Variants in EPOR observed in about 807,000 individuals in gnomAD.
The protein encoded by EPOR is erythropoietin receptor.
Under a neutral mutation model 34.3 loss-of-function variants are expected in EPOR, and 20 were observed. That is an observed-to-expected ratio of 0.58 (90% confidence interval 0.41 to 0.85). The LOEUF is 0.85. Among genes scored for constraint, EPOR ranks in the 40% least tolerant of loss-of-function variants. EPOR has a pLI of 0.00. For synonymous variants in EPOR, 312 were observed against 299.0 expected (o/e 1.04, Z -0.45); for missense variants, 601 against 672.7 (o/e 0.89, Z 1.18).
chr19:11,377,828 C>T lies in EPOR; in HGVS notation c.*156G>A. 1.2e-6 allele frequency: 1 copy of T among 842,688 alleles called. No homozygotes were observed. The highest frequency in any genetic ancestry group is 2.0e-6 in the Non-Finnish European group (1 of 489,360). The allele number at this position is 842,688 out of a possible 1,614,324, so 52.2% of individuals were successfully genotyped here. A position where few individuals can be genotyped will look rare whatever the true frequency, so the allele number is the denominator to read the frequency against. On this transcript the variant is annotated 3_prime_UTR_variant, in exon 8 of 8. Transcript: ENST00000222139. ...AAACTATACATATTTAAAAATACTGCAAGGTTGTGGTTTCCTGAGCAGGAT... is the reference window on the plus strand; with the variant it reads ...AAACTATACATATTTAAAAATACTGTAAGGTTGTGGTTTCCTGAGCAGGAT...
Position 11,381,924 on chromosome 19 carries a change from A to AC in EPOR, c.427+5dup. 6.2e-7 allele frequency: 1 copy of AC among 1,614,220 alleles called. No individual in the cohort carries two copies. The highest frequency in any genetic ancestry group is 8.5e-7 in the Non-Finnish European group (1 of 1,180,022). ...CCGACCACTCCTCCATTCCCAGAGC[A>AC]CTTACCTACTTCATTGATGTGGATG... On this transcript the variant is annotated splice_donor_region_variant and intron_variant, in intron 3 of 7. Transcript: ENST00000222139. This position sits in a 1 kb window ranked among gnomAD's most constrained non-coding sequence, Gnocchi z 5.3.
chr19:11,381,733 C>T lies in EPOR; in HGVS notation c.544G>A (p.Val182Met), dbSNP rs1326443454. 1 of 1,612,590 alleles carries T rather than the reference C, an allele frequency of 6.2e-7. No homozygotes were observed. Among genetic ancestry groups the T allele is most frequent in the African/African-American group, 1.3e-5 (1 of 74,916 alleles). ...GCGCCGTTGCCGGCCGAGACGTCCA[C>T]CTCGTAGCGGATGTGAGACGTCATG... is the stretch of plus-strand genomic sequence containing the variant. ...TPMTSHIRYE[V>M]DVSAGNGAGS... Residue 182 changes from valine to methionine, a missense_variant, in exon 4 of 8, where the codon GTG (valine) becomes ATG (methionine). Coordinates refer to ENST00000222139, the MANE Select transcript of EPOR (RefSeq NM_000121.4). This position sits in a 1 kb window ranked among gnomAD's most constrained non-coding sequence, Gnocchi z 5.3.
intron 6 of EPOR, among the ~76,000 whole-genome samples, chr19:11,379,091 T>C (rs1968322206): frequency 6.6e-6 from 1 of 152,106 alleles, no homozygotes; most frequent in Non-Finnish European, 1.5e-5. Flanking sequence ...TTTGGGAGGC[T>C]GAGGTGGGAG....
chr19:11,378,223 C>T lies in EPOR; in HGVS notation c.1288G>A (p.Asp430Asn). Residue 430 changes from aspartate to asparagine, a missense_variant, in exon 8 of 8, where the codon GAC (aspartate) becomes AAC (asparagine). Physicochemically the swap from Asp to Asn is conservative, Grantham distance 23. Transcript: ENST00000222139. The surrounding 1 kb of genome is among the most constrained non-coding windows in gnomAD (Gnocchi z 5.3). ...SAASFEYTIL[D>N]PSSQLLRPWT... ...GGACGCAAGAGCTGGGAGCTGGGGT[C>T]CAGGATAGTGTACTCAAAGCTGGCA... 1.2e-6 allele frequency: 2 copies of T among 1,614,088 alleles called. No homozygotes were observed. Among genetic ancestry groups the T allele is most frequent in the East Asian group, 2.2e-5 (1 of 44,878 alleles).
rs923888293 is a variant in EPOR at position 11,383,174 on chromosome 19, C to T, written c.174G>A (p.Glu58=). 1.9e-6 allele frequency: 3 copies of T among 1,612,678 alleles called. No individual in the cohort carries two copies. Among genetic ancestry groups the T allele is most frequent in the African/African-American group, 2.7e-5 (2 of 74,938 alleles). ...CTTCCTCCCAGAAACACACCAAGTC[C>T]TCCAACCGCTCGGTGAAGCACAGAA... is the stretch of plus-strand genomic sequence containing the variant. ...EELLCFTERL[E]DLVCFWEEAA... Residue 58 remains glutamate (E), a synonymous_variant, in exon 2 of 8, where the codon GAG becomes GAA. Coordinates refer to ENST00000222139, the MANE Select transcript of EPOR (RefSeq NM_000121.4). This position sits in a 1 kb window ranked among gnomAD's most constrained non-coding sequence, Gnocchi z 4.9.
In EPOR at chr19:11,378,384, A is replaced by C. The variant is rs192441411; in HGVS notation, c.1127T>G (p.Leu376Arg). The C allele has an allele frequency of 1.2e-5, 20 of 1,613,486 alleles. No homozygotes were observed. The African/African-American group carries it at 2.4e-4, about 19-fold the overall frequency. The change falls in exon 8 of 8, where the codon CTG (leucine) becomes CGG (arginine). Residue 376 changes from leucine (L) to arginine (R), a missense_variant. Physicochemically the swap from Leu to Arg is moderately radical, Grantham distance 102 (BLOSUM62 -2). Transcript: ENST00000222139. This position sits in a 1 kb window ranked among gnomAD's most constrained non-coding sequence, Gnocchi z 5.3. ...GTCCTCACTGGGCGGGTTCCGGGGC[A>C]GCAACCATTTGTCCAGCACCAGATA... ...DTYLVLDKWL[L>R]PRNPPSEDLP...
chr19:11,381,587 T>A lies in EPOR; in HGVS notation c.585+105A>T. ...AGCACCAGGGTAATGGGATGTGGGA[T>A]GTTACGGACCGGCCCTGAAAGCGGC... is the stretch of plus-strand genomic sequence containing the variant. On this transcript the variant is annotated intron_variant, in intron 4 of 7. Coordinates refer to ENST00000222139, the MANE Select transcript of EPOR (RefSeq NM_000121.4). This position sits in a 1 kb window ranked among gnomAD's most constrained non-coding sequence, Gnocchi z 5.3. 1 of 1,175,438 alleles carries A rather than the reference T, an allele frequency of 8.5e-7. No individual in the cohort carries two copies. Among genetic ancestry groups the A allele is most frequent in the South Asian group, 1.4e-5 (1 of 71,658 alleles). 72.8% of individuals were successfully genotyped at this position (1,175,438 alleles called of 1,614,324 possible).
At position 11,381,197 on chromosome 19, in the gene EPOR, C is replaced by T. The variant is rs1355363517; in HGVS notation, c.598G>A (p.Glu200Lys). The change falls in exon 5 of 8, where the codon GAG becomes AAG. Residue 200 changes from glutamate (E) to lysine (K), a missense_variant. Coordinates refer to ENST00000222139, the MANE Select transcript of EPOR (RefSeq NM_000121.4). The surrounding 1 kb of genome is among the most constrained non-coding windows in gnomAD (Gnocchi z 5.3). ...CTCAGCACACACTCGGTGCGGCCCT[C>T]CAGGATCTCCACCTGGGGGCGGAAT... ...AGSVQRVEIL[E>K]GRTECVLSNL... is the part of the protein sequence containing the mutation. 1 of 1,549,556 alleles carries T rather than the reference C, an allele frequency of 6.5e-7. No homozygotes were observed. Among genetic ancestry groups the T allele is most frequent in the Admixed American group, 2.0e-5 (1 of 51,066 alleles).
In EPOR at chr19:11,381,304, A is replaced by C; in HGVS notation, c.586-95T>G. 2.2e-6 allele frequency: 3 copies of C among 1,392,688 alleles called. No homozygotes were observed. The highest frequency in any genetic ancestry group is 3.0e-6 in the Non-Finnish European group (3 of 1,009,962). 86.3% of individuals were successfully genotyped at this position (1,392,688 alleles called of 1,614,324 possible). A position where few individuals can be genotyped will look rare whatever the true frequency, so the allele number is the denominator to read the frequency against. The stretch of plus-strand genomic sequence containing the variant: ...GAACTGAGCCAATCAGGGGAAAGGA[A>C]AACGGTGCCCTAGAATTGCAATGGG... On this transcript the variant is annotated intron_variant, in intron 4 of 7. Coordinates refer to ENST00000222139, the MANE Select transcript of EPOR (RefSeq NM_000121.4). The surrounding 1 kb of genome is among the most constrained non-coding windows in gnomAD (Gnocchi z 5.3).
rs1213773471 is a variant in EPOR at position 11,381,344 on chromosome 19, G to A, written c.586-135C>T. ...ATTGCAATGGGACCAATAAGAGTAG[G>A]GGGAGGAGCCCAAGAAAGCTCAGGG... On this transcript the variant is annotated intron_variant, in intron 4 of 7. Coordinates refer to ENST00000222139, the MANE Select transcript of EPOR (RefSeq NM_000121.4). The surrounding 1 kb of genome is among the most constrained non-coding windows in gnomAD (Gnocchi z 5.3). 3.0e-6 allele frequency: 3 copies of A among 986,018 alleles called. No homozygotes were observed. Among genetic ancestry groups the A allele is most frequent in the Admixed American group, 2.1e-5 (1 of 48,178 alleles). The allele number at this position is 986,018 out of a possible 1,614,324, so 61.1% of individuals were successfully genotyped here. A position where few individuals can be genotyped will look rare whatever the true frequency, so the allele number is the denominator to read the frequency against.
rs546490013 is a variant in EPOR at position 11,378,859 on chromosome 19, G to A, written c.828-81C>T. The A allele has an allele frequency of 7.4e-7, 1 of 1,359,386 alleles. No homozygotes were observed. The highest frequency in any genetic ancestry group is 2.3e-5 in the East Asian group (1 of 42,770). The allele number at this position is 1,359,386 out of a possible 1,614,324, so 84.2% of individuals were successfully genotyped here. A position where few individuals can be genotyped will look rare whatever the true frequency, so the allele number is the denominator to read the frequency against. ...TTCCCCCTCCACTCCCAGTCATAGA[G>A]GCACAGATACACTTGGTCCCTGTGA... On this transcript the variant is annotated intron_variant, in intron 6 of 7. Coordinates refer to ENST00000222139, the MANE Select transcript of EPOR (RefSeq NM_000121.4). The surrounding 1 kb of genome is among the most constrained non-coding windows in gnomAD (Gnocchi z 5.3).
Position 11,381,653 on chromosome 19 carries a change from G to A in EPOR, c.585+39C>T. The stretch of plus-strand genomic sequence containing the variant: ...GAGAGGCGTGGCTGGGCCGTAGTCA[G>A]TGGAGCTTTGGGGGCTGGGCCGTAG... On this transcript the variant is annotated intron_variant, in intron 4 of 7. Transcript: ENST00000222139. This position sits in a 1 kb window ranked among gnomAD's most constrained non-coding sequence, Gnocchi z 5.3. The A allele has an allele frequency of 6.4e-7, 1 of 1,570,806 alleles. No homozygotes were observed. The highest frequency in any genetic ancestry group is 1.4e-5 in the African/African-American group (1 of 73,982).
rs533014098 is a variant in EPOR, at chr19:11,381,175, A to T, written c.620T>A (p.Leu207Gln). Reference sequence around the variant, plus strand: ...GCGCGTCCGGCCCCGCAGGTTGCTCAGCACACACTCGGTGCGGCCCTCCAG... The same window carrying T: ...GCGCGTCCGGCCCCGCAGGTTGCTCTGCACACACTCGGTGCGGCCCTCCAG... ...EILEGRTECV[L>Q]SNLRGRTRYT... Residue 207 changes from leucine to glutamine, a missense_variant, in exon 5 of 8, where the codon CTG becomes CAG. Physicochemically the swap from Leu to Gln is moderately radical, Grantham distance 113. Coordinates refer to ENST00000222139, the MANE Select transcript of EPOR (RefSeq NM_000121.4). The surrounding 1 kb of genome is among the most constrained non-coding windows in gnomAD (Gnocchi z 5.3). 6 of 1,552,172 alleles carry T rather than the reference A, an allele frequency of 3.9e-6. No individual in the cohort carries two copies. The Admixed American group carries it at 1.2e-4, about 30-fold the overall frequency.
At chr19:11,384,059 C>A in intron 1 of EPOR, 34 bp downstream of exon 1, 1 of 1,377,334 alleles carries the variant, frequency 7.3e-7, no homozygotes, top group South Asian at 1.2e-5. Flanking sequence ...CCTGCAGGCT[C>A]CAGCGTAGGG....
At position 11,377,890 on chromosome 19, in the gene EPOR, TGA is replaced by T; in HGVS notation, c.*92_*93del. On this transcript the variant is annotated 3_prime_UTR_variant, in exon 8 of 8. Transcript: ENST00000222139. Reference sequence around the variant, plus strand: ...ACAAAATCAGCAATGCCCCTGCTCCTGAGAGAGGCCTCGCCATCCCTGTTCCA... The same window carrying T: ...ACAAAATCAGCAATGCCCCTGCTCCTGAGAGGCCTCGCCATCCCTGTTCCA... 4 of 1,526,356 alleles carry T rather than the reference TGA, an allele frequency of 2.6e-6. No homozygotes were observed. The highest frequency in any genetic ancestry group is 3.6e-6 in the Non-Finnish European group (4 of 1,104,940). 94.6% of individuals were successfully genotyped at this position (1,526,356 alleles called of 1,614,324 possible). A position where few individuals can be genotyped will look rare whatever the true frequency, so the allele number is the denominator to read the frequency against.
chr19:11,381,232 G>C lies in EPOR; in HGVS notation c.586-23C>G. On this transcript the variant is annotated intron_variant, in intron 4 of 7. Coordinates refer to ENST00000222139, the MANE Select transcript of EPOR (RefSeq NM_000121.4). The surrounding 1 kb of genome is among the most constrained non-coding windows in gnomAD (Gnocchi z 5.3). Reference sequence around the variant, plus strand: ...CACCTGGGGGCGGAATCAGGGCGAGGGACGCGTAGCAGACAAAAATAGATG... The same window carrying C: ...CACCTGGGGGCGGAATCAGGGCGAGCGACGCGTAGCAGACAAAAATAGATG... 1 of 1,548,696 alleles carries C rather than the reference G, an allele frequency of 6.5e-7. No homozygotes were observed. The highest frequency in any genetic ancestry group is 8.7e-7 in the Non-Finnish European group (1 of 1,146,894).
Position 11,381,228 on chromosome 19 carries a change from C to T in EPOR, c.586-19G>A, listed in dbSNP as rs533755786. ...TCTCCACCTGGGGGCGGAATCAGGG[C>T]GAGGGACGCGTAGCAGACAAAAATA... On this transcript the variant is annotated intron_variant, in intron 4 of 7. Coordinates refer to ENST00000222139, the MANE Select transcript of EPOR (RefSeq NM_000121.4). This position sits in a 1 kb window ranked among gnomAD's most constrained non-coding sequence, Gnocchi z 5.3. The T allele has an allele frequency of 2.7e-5, 42 of 1,548,674 alleles. 1 individual carries two copies. In the South Asian group the frequency reaches 4.9e-4, roughly 18 times the overall value.
Position 11,383,301 on chromosome 19 carries a change from T to G in EPOR, c.116-69A>C. ...ATCCTCGGGAGACAGCCCCCTCCTC[T>G]TCCCTCCCGCAGCCTGGGCGGACCC... is the stretch of plus-strand genomic sequence containing the variant. On this transcript the variant is annotated intron_variant, in intron 1 of 7. Transcript: ENST00000222139. This position sits in a 1 kb window ranked among gnomAD's most constrained non-coding sequence, Gnocchi z 4.9. 1 of 1,438,694 alleles carries G rather than the reference T, an allele frequency of 7.0e-7. No individual in the cohort carries two copies. Among genetic ancestry groups the G allele is most frequent in the Non-Finnish European group, 9.3e-7 (1 of 1,077,628 alleles). The allele number at this position is 1,438,694 out of a possible 1,614,324, so 89.1% of individuals were successfully genotyped here.
chr19:11,380,788 G>A (rs1405343639), intron 6 of EPOR, 96 bp downstream of exon 6: 1 of 998,396 alleles, frequency 1.0e-6, no homozygotes, highest in Non-Finnish European at 1.6e-6. Flanking sequence ...GTGACCTTGG[G>A]CAAGTGCGTG....
Sources: allele counts gnomAD v4.1 joint callset (sites outside exome capture counted in the v4.1 genomes callset), GRCh38; gene constraint gnomAD v4.1.1; non-coding constraint Gnocchi (gnomAD v3.1); transcripts MANE v1.5; gene names NCBI Gene and HGNC (gene_info 2026-07-23, HGNC 2026-07-21).